KIAA1328: variants seen among roughly 807,000 people sequenced by gnomAD.
KIAA1328 encodes the protein protein hinderin.
KIAA1328 carries 52 observed loss-of-function variants against 68.1 expected under a neutral mutation model. The ratio of observed to expected loss-of-function variants is 0.76; its 90% confidence interval spans 0.61 to 0.96. The LOEUF (loss-of-function observed/expected upper bound fraction) is 0.96, where lower values mean the gene tolerates loss of function less well. Among genes scored for constraint, KIAA1328 ranks in the 40% least tolerant of loss-of-function variants. KIAA1328 has a pLI of 0.00. For missense variants in KIAA1328, 641 were observed against 677.6 expected, an observed-to-expected ratio of 0.95 and a Z score of 0.60; for synonymous variants, 232 against 239.4, an observed-to-expected ratio of 0.97 and a Z score of 0.28.
chr18:37,026,859 G>A (rs1244530825), intron 6 of KIAA1328, among the ~76,000 whole-genome samples: 1 of 152,172 alleles, frequency 6.6e-6, no homozygotes, highest in African/African-American at 2.4e-5. Flanking sequence ...ACACAGTGTT[G>A]GAAGTTCTGG....
intron 5 of KIAA1328, among the ~76,000 whole-genome samples, chr18:36,951,214 A>G (rs1333144308): frequency 6.6e-6 from 1 of 151,934 alleles, no homozygotes; most frequent in African/African-American, 2.4e-5. Context: ...GCACTACATA[A>G]TGTTCTTGTC....
chr18:36,859,417 T>G (rs1329859551), intron 4 of KIAA1328, among the ~76,000 whole-genome samples: 1 of 152,070 alleles, frequency 6.6e-6, no homozygotes, highest in African/African-American at 2.4e-5. Context: ...TTGTTCAGAG[T>G]TGATTATTTT....
intron 5 of KIAA1328, among the ~76,000 whole-genome samples, chr18:36,941,509 C>G (rs1413779608): frequency 6.6e-6 from 1 of 152,138 alleles, no homozygotes; most frequent in Non-Finnish European, 1.5e-5. Flanking sequence ...GCAGGAGAAT[C>G]ACTTGAACCC....
chr18:37,177,465 C>G (rs542157328), intron 9 of KIAA1328, among the ~76,000 whole-genome samples: 85 of 152,266 alleles, frequency 5.6e-4, no homozygotes, highest in African/African-American at 2.0e-3. Context: ...CAAACAGTTA[C>G]AGCTGGTGCT....
intron 6 of KIAA1328, among the ~76,000 whole-genome samples, chr18:37,027,720 A>G (rs544636108): frequency 6.6e-6 from 1 of 152,288 alleles, no homozygotes; most frequent in Non-Finnish European, 1.5e-5. Flanking sequence ...AATTAATTCA[A>G]GATGGATTAA....
intron 5 of KIAA1328, among the ~76,000 whole-genome samples, chr18:36,908,592 G>C (rs559276016): frequency 6.6e-6 from 1 of 152,040 alleles, no homozygotes; most frequent in Non-Finnish European, 1.5e-5. Context: ...TATCCCCTTC[G>C]GCCTCTCAAC....
At chr18:36,970,274 C>G (rs2052132765) in intron 6 of KIAA1328, among the ~76,000 whole-genome samples, 2 of 152,178 alleles carry the variant, frequency 1.3e-5, no homozygotes, top group Admixed American at 1.3e-4. Context: ...GCTACAGACT[C>G]TCAATACATT....
intron 9 of KIAA1328, among the ~76,000 whole-genome samples, chr18:37,200,891 CA>C (rs1399733446): frequency 2.6e-5 from 4 of 151,974 alleles, no homozygotes; most frequent in Non-Finnish European, 5.9e-5. Context: ...CTCCCTCCCC[CA>C]ACCCACAGTT....
At chr18:37,094,156 G>A (rs767774844) in intron 7 of KIAA1328, among the ~76,000 whole-genome samples, 21 of 152,250 alleles carry the variant, frequency 1.4e-4, no homozygotes, top group Non-Finnish European at 2.4e-4. Context: ...TAGGGTTTGC[G>A]TTCCTATGAG....
At chr18:36,913,098 C>T (rs2049522066) in intron 5 of KIAA1328, among the ~76,000 whole-genome samples, 1 of 152,144 alleles carries the variant, frequency 6.6e-6, no homozygotes, top group Non-Finnish European at 1.5e-5. Context: ...GCAGTTTCAT[C>T]AGCCTGTTTC....
chr18:36,907,195 C>T (rs550866983), intron 5 of KIAA1328, among the ~76,000 whole-genome samples: 6 of 151,846 alleles, frequency 4.0e-5, no homozygotes, highest in Non-Finnish European at 5.9e-5. Flanking sequence ...TTTGTAGATT[C>T]TTTGCAGTTT....
In KIAA1328 at chr18:36,954,720, GT is replaced by G. The variant is rs2051332318; in HGVS notation, c.449-4584del. Among the ~76,000 whole-genome samples, 4 of 143,488 alleles carry G rather than the reference GT, an allele frequency of 2.8e-5. No individual in the cohort carries two copies. In the Admixed American group the frequency reaches 2.8e-4, roughly 10 times the overall value. The allele number at this position is 143,488 out of a possible 152,430, so 94.1% of individuals were successfully genotyped here. On this transcript the variant is annotated intron_variant, in intron 5 of 9. Transcript: ENST00000280020. Reference sequence around the variant, plus strand: ...TTTTTTTTTTTCTTTTTGAGACGGAGTTTTGGTCTTGTTGCCCAGGCTGGAG... The same window carrying G: ...TTTTTTTTTTTCTTTTTGAGACGGAGTTTGGTCTTGTTGCCCAGGCTGGAG...
intron 7 of KIAA1328, among the ~76,000 whole-genome samples, chr18:37,079,895 A>C (rs2056890463): frequency 6.6e-6 from 1 of 151,990 alleles, no homozygotes; most frequent in African/African-American, 2.4e-5. Flanking sequence ...AAAAAAAAAA[A>C]AAAAAACAGT....
At chr18:37,153,190 CAT>C (rs2059075947) in intron 7 of KIAA1328, among the ~76,000 whole-genome samples, 1 of 152,160 alleles carries the variant, frequency 6.6e-6, no homozygotes, top group African/African-American at 2.4e-5. Context: ...AAACCCCATG[CAT>C]TTAACCACGG....
chr18:37,058,661 G>A (rs1488306996), intron 6 of KIAA1328, among the ~76,000 whole-genome samples: 8 of 151,992 alleles, frequency 5.3e-5, no homozygotes, highest in South Asian at 4.2e-4. Flanking sequence ...GCAGTGAGCC[G>A]AGATCATGCC....
chr18:37,016,481 G>A (rs1182509984), intron 6 of KIAA1328, among the ~76,000 whole-genome samples: 3 of 152,014 alleles, frequency 2.0e-5, no homozygotes, highest in South Asian at 4.1e-4. Flanking sequence ...GATGATATTG[G>A]CTTTGTAAAG....
At chr18:37,167,084 C>T (rs2059403600) in intron 8 of KIAA1328, among the ~76,000 whole-genome samples, 1 of 152,106 alleles carries the variant, frequency 6.6e-6, no homozygotes, top group Admixed American at 6.6e-5. Flanking sequence ...CCCCTATCTC[C>T]CTCGCAGGTT....
chr18:37,024,454 T>C (rs2054481366), intron 6 of KIAA1328, among the ~76,000 whole-genome samples: 2 of 151,848 alleles, frequency 1.3e-5, no homozygotes, highest in South Asian at 2.1e-4. Context: ...TGTATACATG[T>C]GCCAGGTTGG....
rs2060604611 is a variant in KIAA1328 at position 37,223,812 on chromosome 18, C to T, written c.*1585C>T. Reference sequence around the variant, plus strand: ...ACTGGCGCTGTCACCTCCACCCAGCCTTCTTTCACTTGGGGTTTTTTATTC... The same window carrying T: ...ACTGGCGCTGTCACCTCCACCCAGCTTTCTTTCACTTGGGGTTTTTTATTC... On this transcript the variant is annotated 3_prime_UTR_variant, in exon 10 of 10. Coordinates refer to ENST00000280020, the MANE Select transcript of KIAA1328 (RefSeq NM_020776.3). 8 of 985,300 alleles carry T rather than the reference C, an allele frequency of 8.1e-6. No homozygotes were observed. The South Asian group carries it at 3.3e-4, about 41-fold the overall frequency. 61.0% of individuals were successfully genotyped at this position (985,300 alleles called of 1,614,324 possible).
Sources: allele counts gnomAD v4.1 joint callset (sites outside exome capture counted in the v4.1 genomes callset), GRCh38; gene constraint gnomAD v4.1.1; transcripts MANE v1.5; gene names NCBI Gene and HGNC (gene_info 2026-07-23, HGNC 2026-07-21).